METTL15: variants seen among roughly 807,000 people sequenced by gnomAD.
METTL15 encodes the protein methyltransferase 15, mitochondrial 12S rRNA N4-cytidine, also known as 12S rRNA N(4)-cytidine methyltransferase METTL15.
In METTL15, 34 loss-of-function variants were observed where a neutral mutation model predicts 38.3. The observed-to-expected ratio is 0.89, with a 90% CI of 0.68 to 1.18. The LOEUF (loss-of-function observed/expected upper bound fraction) is 1.18, where lower values mean the gene tolerates loss of function less well. Among genes scored for constraint, METTL15 ranks in the 50% most tolerant of loss-of-function variants. The probability of loss-of-function intolerance (pLI) is 0.00; values close to 1 mark genes in which losing one functional copy is unlikely to be tolerated. For missense variants in METTL15, 438 were observed against 498.4 expected, an observed-to-expected ratio of 0.88 and a Z score of 1.15; for synonymous variants, 162 against 170.9, an observed-to-expected ratio of 0.95 and a Z score of 0.41.
intron 6 of METTL15, among the ~76,000 whole-genome samples, chr11:28,503,587 T>C (rs1851602018): frequency 6.6e-6 from 1 of 151,228 alleles, no homozygotes; most frequent in Non-Finnish European, 1.5e-5. Context: ...AGTCAGGAGT[T>C]TGAGACCAGC....
At position 28,310,914 on chromosome 11, in the gene METTL15, CTGGTGG is replaced by C. The variant is rs1176508624; in HGVS notation, c.778+14029_778+14034del. Among the ~76,000 whole-genome samples the C allele has an allele frequency of 1.6e-3, 173 of 110,010 alleles. 1 individual carries two copies. The highest frequency in any genetic ancestry group is 8.8e-3 in the Middle Eastern group (2 of 228). 72.2% of individuals were successfully genotyped at this position (110,010 alleles called of 152,430 possible). Reference sequence around the variant, plus strand: ...GCTGCTGCTGCTGCTGCTGCTGCTGCTGGTGGTGGTGGTGGTGGTGGTGGTGGTGGT... The same window carrying C: ...GCTGCTGCTGCTGCTGCTGCTGCTGCTGGTGGTGGTGGTGGTGGTGGTGGT... On this transcript the variant is annotated intron_variant, in intron 6 of 6. Transcript: ENST00000407364.
At chr11:28,201,143 C>G (rs1424892867) in intron 3 of METTL15, among the ~76,000 whole-genome samples, 1 of 152,024 alleles carries the variant, frequency 6.6e-6, no homozygotes, top group Non-Finnish European at 1.5e-5. Context: ...TATCAAAGGC[C>G]TTTTCTGAGT....
At chr11:28,257,884 C>T (rs1428316707) in intron 4 of METTL15, among the ~76,000 whole-genome samples, 1 of 152,062 alleles carries the variant, frequency 6.6e-6, no homozygotes. Context: ...AGGATTGTTC[C>T]CTGGTGCTTT....
intron 3 of METTL15, among the ~76,000 whole-genome samples, chr11:28,341,413 T>A (rs1849951779): frequency 2.0e-5 from 3 of 152,342 alleles, no homozygotes; most frequent in Admixed American, 2.0e-4. Context: ...AGGGATTTAG[T>A]ATGTTTAATC....
intron 6 of METTL15, among the ~76,000 whole-genome samples, chr11:28,464,789 A>G (rs1037329505): frequency 6.6e-6 from 1 of 152,238 alleles, no homozygotes; most frequent in Non-Finnish European, 1.5e-5. Flanking sequence ...CAGATCACCA[A>G]TGAGAACTAT....
intron 3 of METTL15, among the ~76,000 whole-genome samples, chr11:28,340,835 GA>G (rs1849945386): frequency 6.6e-6 from 1 of 152,096 alleles, no homozygotes; most frequent in Non-Finnish European, 1.5e-5. Flanking sequence ...ATACCCAAAG[GA>G]TTATAAATCA....
At chr11:28,398,412 A>AT (rs1850596275) in intron 5 of METTL15, among the ~76,000 whole-genome samples, 3 of 152,096 alleles carry the variant, frequency 2.0e-5, no homozygotes. Flanking sequence ...TTTGATTTAC[A>AT]TTTCTCTAAT....
intron 3 of METTL15, among the ~76,000 whole-genome samples, chr11:28,200,252 A>G (rs1482939716): frequency 6.6e-6 from 1 of 152,136 alleles, no homozygotes; most frequent in Non-Finnish European, 1.5e-5. Context: ...TGTACCTCAA[A>G]CAATTTACCT....
At position 28,331,932 on chromosome 11, in the gene METTL15, T is replaced by A. The variant is rs1297999663; in HGVS notation, c.*1091T>A. ...ATTAACCATACATAGAAATAAATATTCTCTTAGTTATCCTTGAAATCATAT... is the reference window on the plus strand; with the variant it reads ...ATTAACCATACATAGAAATAAATATACTCTTAGTTATCCTTGAAATCATAT... On this transcript the variant is annotated 3_prime_UTR_variant, in exon 7 of 7. Coordinates refer to ENST00000407364, the MANE Select transcript of METTL15 (RefSeq NM_001113528.2). 1.3e-5 allele frequency: 2 copies of A among 152,154 alleles called. No homozygotes were observed. Among genetic ancestry groups the A allele is most frequent in the Non-Finnish European group, 2.9e-5 (2 of 67,996 alleles). The allele number at this position is 152,154 out of a possible 1,614,324, so 9.4% of individuals were successfully genotyped here.
At chr11:28,134,181 G>A (rs1401158946) in intron 3 of METTL15, among the ~76,000 whole-genome samples, 2 of 152,150 alleles carry the variant, frequency 1.3e-5, no homozygotes, top group Admixed American at 6.5e-5. Context: ...GGAAGAAATA[G>A]CCACGTGGAC....
At chr11:28,189,588 G>C (rs1197410614) in intron 3 of METTL15, among the ~76,000 whole-genome samples, 2 of 151,066 alleles carry the variant, frequency 1.3e-5, no homozygotes, top group Non-Finnish European at 3.0e-5. Flanking sequence ...TGGAGCAAGT[G>C]GTAGTAAATA....
chr11:28,515,570 T>C (rs1036398608), intron 6 of METTL15, among the ~76,000 whole-genome samples: 3 of 152,208 alleles, frequency 2.0e-5, no homozygotes, highest in African/African-American at 7.2e-5. Context: ...AAAACTTTAT[T>C]AAAACACAGT....
intron 4 of METTL15, among the ~76,000 whole-genome samples, chr11:28,284,991 TC>T (rs1856196658): frequency 6.6e-6 from 1 of 152,094 alleles, no homozygotes; most frequent in African/African-American, 2.4e-5. Flanking sequence ...GTAGGCGGTT[TC>T]CCCCATGCTG....
At chr11:28,375,585 C>G (rs959045928) in intron 5 of METTL15, among the ~76,000 whole-genome samples, 2 of 152,058 alleles carry the variant, frequency 1.3e-5, no homozygotes, top group African/African-American at 2.4e-5. Context: ...TGCTGGCAGT[C>G]TATCAATTTT....
intron 2 of METTL15, 130 bp from the exon 3 acceptor site, chr11:28,113,188 A>T: frequency 1.6e-6 from 1 of 609,622 alleles, no homozygotes; most frequent in Non-Finnish European, 2.8e-6. Flanking sequence ...TTACTTGTTT[A>T]AGATGTTAGG....
At chr11:28,288,821 T>C (rs948586109) in intron 4 of METTL15, among the ~76,000 whole-genome samples, 1 of 152,014 alleles carries the variant, frequency 6.6e-6, no homozygotes, top group Non-Finnish European at 1.5e-5. Context: ...AAAAGTTAAA[T>C]AAAATAAATA....
At chr11:28,248,043 G>T (rs11030263) in intron 4 of METTL15, among the ~76,000 whole-genome samples, 13,208 of 151,986 alleles carry the variant, frequency 0.087, 1,029 homozygotes, top group East Asian at 0.36. Context: ...GTATTTGGGG[G>T]AATAAACACT....
chr11:28,318,931 G>A (rs1849363720), intron 6 of METTL15, among the ~76,000 whole-genome samples: 1 of 152,140 alleles, frequency 6.6e-6, no homozygotes. Flanking sequence ...ATGAAAAAGA[G>A]ACAAATGTAC....
At chr11:28,267,036 T>C (rs1032152547) in intron 4 of METTL15, among the ~76,000 whole-genome samples, 1 of 151,854 alleles carries the variant, frequency 6.6e-6, no homozygotes, top group African/African-American at 2.4e-5. Context: ...GGTGGACACT[T>C]GTAATCCCAG....
Sources: gnomAD v4.1 joint callset for allele counts (sites outside exome capture counted in the v4.1 genomes callset) on GRCh38, gnomAD v4.1.1 for gene constraint, MANE v1.5 for transcripts, NCBI Gene and HGNC (gene_info 2026-07-23, HGNC 2026-07-21) for gene names.